The following CDH18 variants were observed in gnomAD, a reference collection of about 807,000 sequenced individuals.
The protein encoded by CDH18 is cadherin 18, also known as cadherin-18.
Under a neutral mutation model 67.9 loss-of-function variants are expected in CDH18, and 31 were observed. The observed-to-expected ratio is 0.46, with a 90% CI of 0.34 to 0.62. CDH18 has a LOEUF of 0.62. Among genes scored for constraint, CDH18 ranks in the 20% least tolerant of loss-of-function variants. The pLI, the probability that CDH18 is intolerant of heterozygous loss-of-function variation, is 0.01. For missense variants in CDH18, 890 were observed against 975.5 expected (o/e 0.91, Z 1.17); for synonymous variants, 362 against 347.2 (o/e 1.04, Z -0.48).
At position 20,149,749 on chromosome 5, in the gene CDH18, C is replaced by G. The variant is rs567572412; in HGVS notation, c.-518+105695G>C. On this transcript the variant is annotated intron_variant, in intron 2 of 14. Transcript: ENST00000507958. Reference sequence around the variant, plus strand: ...TACTTTAAAAAGTCTATTCTGCAAACTTTAACCAGACTAGTATGATCTTTG... The same window carrying G: ...TACTTTAAAAAGTCTATTCTGCAAAGTTTAACCAGACTAGTATGATCTTTG... 7.8e-4 allele frequency among the ~76,000 whole-genome samples: 119 copies of G among 152,208 alleles called. 2 individuals are homozygous for G. In the South Asian group the frequency reaches 0.024, roughly 30 times the overall value.
intron 1 of CDH18, among the ~76,000 whole-genome samples, chr5:20,270,282 A>T (rs1213110010): frequency 6.6e-6 from 1 of 152,152 alleles, no homozygotes; most frequent in Non-Finnish European, 1.5e-5. Flanking sequence ...GAATATAAAC[A>T]ATATTTTATG....
intron 11 of CDH18, among the ~76,000 whole-genome samples, chr5:19,502,310 T>G (rs1477714148): frequency 1.3e-5 from 2 of 152,144 alleles, no homozygotes; most frequent in Non-Finnish European, 2.9e-5. Context: ...ATCAGAAAAC[T>G]GCACATACCA....
intron 1 of CDH18, among the ~76,000 whole-genome samples, chr5:20,336,509 C>T (rs901315461): frequency 4.6e-5 from 7 of 151,686 alleles, no homozygotes; most frequent in Admixed American, 2.6e-4. Context: ...GATCACGAGG[C>T]CAAGAGATCA....
At chr5:19,853,403 C>T (rs1783925736) in intron 2 of CDH18, among the ~76,000 whole-genome samples, 1 of 152,096 alleles carries the variant, frequency 6.6e-6, no homozygotes, top group Non-Finnish European at 1.5e-5. Context: ...AGTACAGCCA[C>T]CCTGGGGGTT....
At chr5:20,218,958 C>T (rs890355068) in intron 2 of CDH18, among the ~76,000 whole-genome samples, 1 of 151,246 alleles carries the variant, frequency 6.6e-6, no homozygotes, top group African/African-American at 2.4e-5. Flanking sequence ...GCTGATGTAA[C>T]ATAAGAATTA....
At chr5:20,245,580 C>A (rs1743314075) in intron 2 of CDH18, among the ~76,000 whole-genome samples, 1 of 152,010 alleles carries the variant, frequency 6.6e-6, no homozygotes, top group African/African-American at 2.4e-5. Context: ...TGAGAACAAT[C>A]AAAGAGATCA....
At chr5:19,682,630 A>T (rs577620718) in intron 5 of CDH18, among the ~76,000 whole-genome samples, 2 of 151,436 alleles carry the variant, frequency 1.3e-5, no homozygotes, top group South Asian at 4.2e-4. Context: ...TCTCTCTTTC[A>T]CTCTTTGTGA....
At chr5:19,967,619 T>C (rs1204373838) in intron 2 of CDH18, among the ~76,000 whole-genome samples, 1 of 152,132 alleles carries the variant, frequency 6.6e-6, no homozygotes, top group Non-Finnish European at 1.5e-5. Context: ...GAAGATGGCA[T>C]AGCACATATT....
intron 5 of CDH18, among the ~76,000 whole-genome samples, chr5:19,693,640 T>TA (rs1432591113): frequency 1.3e-5 from 2 of 152,286 alleles, no homozygotes; most frequent in East Asian, 3.9e-4. Context: ...CTCATGCCTG[T>TA]AATCCCAACA....
intron 11 of CDH18, among the ~76,000 whole-genome samples, chr5:19,500,811 AT>A (rs1241087435): frequency 6.6e-6 from 1 of 152,142 alleles, no homozygotes; most frequent in Non-Finnish European, 1.5e-5. Flanking sequence ...TTGTCAAATC[AT>A]TTAATTAAGA....
At chr5:20,492,681 A>C (rs1053191583) in intron 1 of CDH18, among the ~76,000 whole-genome samples, 1 of 152,226 alleles carries the variant, frequency 6.6e-6, no homozygotes, top group African/African-American at 2.4e-5. Context: ...AGACATATTT[A>C]AGATATTTCA....
chr5:20,368,462 CAAAGA>C (rs1444848910), intron 1 of CDH18, among the ~76,000 whole-genome samples: 2 of 151,988 alleles, frequency 1.3e-5, no homozygotes, highest in African/African-American at 4.8e-5. Flanking sequence ...GTACACAATG[CAAAGA>C]AAAGGAGTAG....
At chr5:19,619,938 C>T (rs940230027) in intron 5 of CDH18, among the ~76,000 whole-genome samples, 2 of 152,048 alleles carry the variant, frequency 1.3e-5, no homozygotes, top group Non-Finnish European at 2.9e-5. Context: ...TCTTCTAAAA[C>T]ACAAGCTACT....
Position 20,225,876 on chromosome 5 carries a change from G to A in CDH18, c.-518+29568C>T, listed in dbSNP as rs1741585382. On this transcript the variant is annotated intron_variant, in intron 2 of 14. Coordinates refer to the CDH18 transcript ENST00000507958. Reference sequence around the variant, plus strand: ...AGAGGGGATTTGAAAATATCTGAAAGTAAGTTGATATAGTAATAATGAATG... The same window carrying A: ...AGAGGGGATTTGAAAATATCTGAAAATAAGTTGATATAGTAATAATGAATG... Among the ~76,000 whole-genome samples, 5 of 152,028 alleles carry A rather than the reference G, an allele frequency of 3.3e-5. No individual in the cohort carries two copies. In the South Asian group the frequency reaches 1.0e-3, roughly 31 times the overall value.
At chr5:20,022,328 A>G (rs757404228) in intron 2 of CDH18, among the ~76,000 whole-genome samples, 1 of 152,208 alleles carries the variant, frequency 6.6e-6, no homozygotes, top group Non-Finnish European at 1.5e-5. Flanking sequence ...TAATTTGCCA[A>G]TGTAAGGATT....
Position 20,214,941 on chromosome 5 carries a change from C to T in CDH18, c.-518+40503G>A, listed in dbSNP as rs1418440731. ...TAAGAGAAAATATTTGCAAACTATG[C>T]ATCTGATAAGGGTCTAATATCCAGC... On this transcript the variant is annotated intron_variant, in intron 2 of 14. Coordinates refer to the CDH18 transcript ENST00000507958. Among the ~76,000 whole-genome samples the T allele has an allele frequency of 7.2e-5, 11 of 151,940 alleles. No homozygotes were observed. In the South Asian group the frequency reaches 1.7e-3, roughly 23 times the overall value.
intron 3 of CDH18, among the ~76,000 whole-genome samples, chr5:19,765,561 T>C (rs2149719525): frequency 1.3e-5 from 2 of 152,170 alleles, no homozygotes; most frequent in South Asian, 4.2e-4. Context: ...ATAACATAAT[T>C]TTATAAAGAG....
chr5:19,632,486 C>T (rs1183360737), intron 5 of CDH18, among the ~76,000 whole-genome samples: 13 of 152,160 alleles, frequency 8.5e-5, no homozygotes, highest in Non-Finnish European at 1.8e-4. Flanking sequence ...TTCCGGGTTT[C>T]TTCTGGCTGA....
chr5:20,508,184 G>A (rs1754765562), intron 1 of CDH18, among the ~76,000 whole-genome samples: 1 of 151,426 alleles, frequency 6.6e-6, no homozygotes, highest in South Asian at 2.1e-4. Context: ...TTCTCCATGA[G>A]GGTAATAAAA....
Sources: gnomAD v4.1 joint callset for allele counts (sites outside exome capture counted in the v4.1 genomes callset) on GRCh38, gnomAD v4.1.1 for gene constraint, MANE v1.5 for transcripts, NCBI Gene and HGNC (gene_info 2026-07-23, HGNC 2026-07-21) for gene names.